ANKRD29: variants seen among roughly 807,000 people sequenced by gnomAD.
ANKRD29 encodes the protein ankyrin repeat domain-containing protein 29.
A neutral mutation model predicts 38.0 loss-of-function variants in ANKRD29; 32 were observed. The ratio of observed to expected loss-of-function variants is 0.84; its 90% CI spans 0.64 to 1.13. The LOEUF (loss-of-function observed/expected upper bound fraction) is 1.13, where lower values mean the gene tolerates loss of function less well. ANKRD29 is among the 50% of genes most tolerant of loss of function. ANKRD29 has a pLI of 0.00. For missense variants in ANKRD29, 357 were observed against 377.9 expected, an observed-to-expected ratio of 0.94 and a Z score of 0.46; for synonymous variants, 135 against 152.4, an observed-to-expected ratio of 0.89 and a Z score of 0.84.
intron 8 of ANKRD29, among the ~76,000 whole-genome samples, chr18:23,615,270 A>C (rs1364994188): frequency 6.6e-6 from 1 of 152,146 alleles, no homozygotes; most frequent in East Asian, 1.9e-4. Flanking sequence ...CAGCCTCCCA[A>C]AGTGCTGGAT....
chr18:23,608,907 A>G (rs988831407), intron 9 of ANKRD29, among the ~76,000 whole-genome samples: 26 of 152,116 alleles, frequency 1.7e-4, no homozygotes, highest in African/African-American at 5.8e-4. Flanking sequence ...CCTGTTTCTC[A>G]AAGTGAAAGT....
intron 7 of ANKRD29, among the ~76,000 whole-genome samples, chr18:23,618,051 T>A (rs2059746695): frequency 6.6e-6 from 1 of 152,226 alleles, no homozygotes; most frequent in Admixed American, 6.5e-5. Context: ...ATGTTAGAAC[T>A]CTGCCATTTG....
intron 9 of ANKRD29, among the ~76,000 whole-genome samples, chr18:23,602,331 C>A (rs544128745): frequency 5.7e-4 from 86 of 152,192 alleles, no homozygotes; most frequent in African/African-American, 2.0e-3. Flanking sequence ...CCACCGCGCC[C>A]GGGCCAGATA....
chr18:23,645,621 A>G (rs2060129004), intron 3 of ANKRD29, among the ~76,000 whole-genome samples: 1 of 152,182 alleles, frequency 6.6e-6, no homozygotes, highest in African/African-American at 2.4e-5. Context: ...TAGACCAAGA[A>G]TGGATCCTCA....
intron 9 of ANKRD29, among the ~76,000 whole-genome samples, chr18:23,603,437 A>G (rs1395941809): frequency 1.3e-5 from 2 of 152,206 alleles, no homozygotes; most frequent in African/African-American, 4.8e-5. Flanking sequence ...GTTTAAGACC[A>G]GCCTGGCCAA....
Position 23,662,806 on chromosome 18 carries a change from CGGG to C in ANKRD29, c.-79_-77del. The stretch of plus-strand genomic sequence containing the variant: ...TGTCCTCCCCGGCCCTTCACTCTCC[CGGG>C]GCTCTCGGCGTTCCGCAGAGGGGCG... On this transcript the variant is annotated 5_prime_UTR_variant, in exon 1 of 10. Transcript: ENST00000592179. 1 of 1,267,848 alleles carries C rather than the reference CGGG, an allele frequency of 7.9e-7. No homozygotes were observed. Among genetic ancestry groups the C allele is most frequent in the Non-Finnish European group, 1.0e-6 (1 of 1,002,064 alleles). 78.5% of individuals were successfully genotyped at this position (1,267,848 alleles called of 1,614,324 possible).
chr18:23,612,069 T>G, intron 9 of ANKRD29, 23 bp downstream of exon 9: 1 of 1,609,440 alleles, frequency 6.2e-7, no homozygotes, highest in East Asian at 2.2e-5. Context: ...CCCAAACGAG[T>G]TAAAAGATTG....
At position 23,662,807 on chromosome 18, in the gene ANKRD29, G is replaced by C. The variant is rs2060385809; in HGVS notation, c.-77C>G. The C allele has an allele frequency of 5.5e-6, 7 of 1,267,636 alleles. No individual in the cohort carries two copies. The highest frequency in any genetic ancestry group is 2.3e-5 in the South Asian group (1 of 43,812). The allele number at this position is 1,267,636 out of a possible 1,614,324, so 78.5% of individuals were successfully genotyped here. On this transcript the variant is annotated 5_prime_UTR_variant, in exon 1 of 10. Coordinates refer to ENST00000592179, the MANE Select transcript of ANKRD29 (RefSeq NM_173505.4). Reference sequence around the variant, plus strand: ...GTCCTCCCCGGCCCTTCACTCTCCCGGGGCTCTCGGCGTTCCGCAGAGGGG... The same window carrying C: ...GTCCTCCCCGGCCCTTCACTCTCCCCGGGCTCTCGGCGTTCCGCAGAGGGG...
At chr18:23,613,689 T>G (rs762353717) in intron 8 of ANKRD29, among the ~76,000 whole-genome samples, 3 of 149,456 alleles carry the variant, frequency 2.0e-5, no homozygotes, top group Non-Finnish European at 4.5e-5. Context: ...AAGCTCTGCC[T>G]CCCGGGTTCA....
At chr18:23,632,817 C>T (rs2059951173) in intron 5 of ANKRD29, among the ~76,000 whole-genome samples, 1 of 152,134 alleles carries the variant, frequency 6.6e-6, no homozygotes, top group Admixed American at 6.6e-5. Context: ...GTTGCAGGCT[C>T]AAAGTGTGTT....
intron 1 of ANKRD29, among the ~76,000 whole-genome samples, chr18:23,660,723 C>T (rs2060349116): frequency 2.0e-5 from 3 of 152,356 alleles, no homozygotes; most frequent in South Asian, 2.1e-4. Flanking sequence ...AGGAGAATCG[C>T]TTGAACCCGA....
intron 3 of ANKRD29, among the ~76,000 whole-genome samples, 172 bp downstream of exon 3, chr18:23,646,017 T>C (rs1358237427): frequency 6.6e-6 from 1 of 152,168 alleles, no homozygotes; most frequent in East Asian, 1.9e-4. Flanking sequence ...TCAAATGCAT[T>C]ATAACTGCTA....
chr18:23,629,549 C>T (rs1598492509), intron 6 of ANKRD29, among the ~76,000 whole-genome samples: 1 of 152,210 alleles, frequency 6.6e-6, no homozygotes, highest in African/African-American at 2.4e-5. Context: ...ATCAGTGCAG[C>T]CATAATTTGT....
intron 5 of ANKRD29, 91 bp downstream of exon 5, chr18:23,633,960 T>A: frequency 7.7e-7 from 1 of 1,294,970 alleles, no homozygotes; most frequent in Non-Finnish European, 1.1e-6. Context: ...CATTAAAGTA[T>A]TTTTGAAGTT....
intron 6 of ANKRD29, among the ~76,000 whole-genome samples, chr18:23,625,519 A>T (rs2059852035): frequency 6.6e-6 from 1 of 152,128 alleles, no homozygotes; most frequent in South Asian, 2.1e-4. Flanking sequence ...CTTTGAGATG[A>T]CAGAGAACAC....
At chr18:23,638,689 C>T (rs2060034131) in intron 4 of ANKRD29, among the ~76,000 whole-genome samples, 160 bp downstream of exon 4, 1 of 152,136 alleles carries the variant, frequency 6.6e-6, no homozygotes, top group South Asian at 2.1e-4. Flanking sequence ...TTAGAGCTAC[C>T]CCTGAACCAC....
At chr18:23,608,873 T>G (rs2059605512) in intron 9 of ANKRD29, among the ~76,000 whole-genome samples, 1 of 152,220 alleles carries the variant, frequency 6.6e-6, no homozygotes, top group African/African-American at 2.4e-5. Flanking sequence ...GGCTCACGCC[T>G]GTAATCCCAG....
intron 9 of ANKRD29, among the ~76,000 whole-genome samples, chr18:23,608,774 C>T (rs1285946045): frequency 1.3e-5 from 2 of 152,174 alleles, no homozygotes; most frequent in Admixed American, 6.6e-5. Flanking sequence ...CCCGAAAAGA[C>T]CCCCTTCTTG....
At position 23,599,094 on chromosome 18, in the gene ANKRD29, CAT is replaced by C. The variant is rs1016159443; in HGVS notation, c.*2130_*2131del. ...CTAACTGAATTGTCAATTAGATTAA[CAT>C]AGAATAATCATTTACATGTGTGCAA... is the stretch of plus-strand genomic sequence containing the variant. On this transcript the variant is annotated 3_prime_UTR_variant, in exon 10 of 10. Transcript: ENST00000592179. 1 of 152,176 alleles carries C rather than the reference CAT, an allele frequency of 6.6e-6. No individual in the cohort carries two copies. The highest frequency in any genetic ancestry group is 2.4e-5 in the African/African-American group (1 of 41,430). The allele number at this position is 152,176 out of a possible 1,614,324, so 9.4% of individuals were successfully genotyped here. A position where few individuals can be genotyped will look rare whatever the true frequency, so the allele number is the denominator to read the frequency against.
Sources: allele counts gnomAD v4.1 joint callset (sites outside exome capture counted in the v4.1 genomes callset), GRCh38; gene constraint gnomAD v4.1.1; transcripts MANE v1.5; gene names NCBI Gene and HGNC (gene_info 2026-07-23, HGNC 2026-07-21).